ULK2: variants seen among roughly 807,000 people sequenced by gnomAD.
The protein encoded by ULK2 is serine/threonine-protein kinase ULK2.
ULK2 carries 76 observed loss-of-function variants against 127.5 expected under a neutral mutation model. That is an observed-to-expected ratio of 0.60 (90% CI 0.50 to 0.72). The LOEUF is 0.72. Among genes scored for constraint, ULK2 ranks in the 30% least tolerant of loss-of-function variants. The pLI, the probability that ULK2 is intolerant of heterozygous loss-of-function variation, is 0.00. For synonymous variants in ULK2, 452 were observed against 461.9 expected, an observed-to-expected ratio of 0.98 and a Z score of 0.28; for missense variants, 1,144 against 1,295.9, an observed-to-expected ratio of 0.88 and a Z score of 1.80.
At chr17:19,842,584 A>C (rs1015195451) in intron 8 of ULK2, among the ~76,000 whole-genome samples, 3 of 152,142 alleles carry the variant, frequency 2.0e-5, no homozygotes, top group African/African-American at 7.2e-5. Flanking sequence ...TAACATAAGA[A>C]ATTATAACAT....
chr17:19,833,524 C>A (rs1415649313), intron 10 of ULK2, among the ~76,000 whole-genome samples: 1 of 152,060 alleles, frequency 6.6e-6, no homozygotes, highest in African/African-American at 2.4e-5. Context: ...GCCTGGCCCA[C>A]ATGGTGAAAC....
At chr17:19,863,656 A>G (rs1022267469) in intron 3 of ULK2, among the ~76,000 whole-genome samples, 2 of 151,780 alleles carry the variant, frequency 1.3e-5, no homozygotes, top group African/African-American at 4.8e-5. Context: ...AAGCCACCAC[A>G]CCCAGCCTGA....
At chr17:19,861,104 C>T (rs2042233296) in intron 3 of ULK2, 1 of 151,962 alleles carries the variant, frequency 6.6e-6, no homozygotes, top group African/African-American at 2.4e-5. Flanking sequence ...AACAGTATAC[C>T]ATGTACAAAA....
At chr17:19,779,971 G>A (rs1013122483) in intron 25 of ULK2, among the ~76,000 whole-genome samples, 1 of 151,848 alleles carries the variant, frequency 6.6e-6, no homozygotes, top group Non-Finnish European at 1.5e-5. Flanking sequence ...GCCAGGAGTT[G>A]GAAACCACCC....
rs189876331 is a variant in ULK2, at chr17:19,781,743, A to G, written c.2639+146T>C. 7.7e-6 allele frequency: 7 copies of G among 904,418 alleles called. No homozygotes were observed. The Admixed American group carries it at 1.2e-4, about 16-fold the overall frequency. 56.0% of individuals were successfully genotyped at this position (904,418 alleles called of 1,614,324 possible). ...ATAATCTCCAGGTCTTGGCTCATATAGTGAAATGTAGTACAAAGAAATAAT... is the reference window on the plus strand; with the variant it reads ...ATAATCTCCAGGTCTTGGCTCATATGGTGAAATGTAGTACAAAGAAATAAT... On this transcript the variant is annotated intron_variant, in intron 23 of 26. Coordinates refer to ENST00000395544, the MANE Select transcript of ULK2 (RefSeq NM_014683.4).
At chr17:19,791,567 T>G (rs201928397) in intron 20 of ULK2, among the ~76,000 whole-genome samples, 4 of 151,992 alleles carry the variant, frequency 2.6e-5, no homozygotes, top group African/African-American at 9.7e-5. Flanking sequence ...CACCTGTGGT[T>G]CCAGCTACTC....
intron 14 of ULK2, among the ~76,000 whole-genome samples, chr17:19,805,373 T>C (rs1355866816): frequency 6.6e-6 from 1 of 152,224 alleles, no homozygotes; most frequent in African/African-American, 2.4e-5. Context: ...ATAGCCTCTT[T>C]CCTCACTTTT....
intron 13 of ULK2, among the ~76,000 whole-genome samples, chr17:19,812,412 G>A (rs773761190): frequency 1.4e-4 from 21 of 152,286 alleles, no homozygotes; most frequent in South Asian, 6.2e-4. Flanking sequence ...TAAACCCATT[G>A]TAGGCTGAAA....
Position 19,844,784 on chromosome 17 carries a change from A to G in ULK2, c.543+520T>C, listed in dbSNP as rs547214917. Among the ~76,000 whole-genome samples the G allele has an allele frequency of 2.2e-4, 34 of 152,286 alleles. 1 individual carries two copies. The East Asian group carries it at 6.4e-3, about 28-fold the overall frequency. On this transcript the variant is annotated intron_variant, in intron 7 of 26. Coordinates refer to ENST00000395544, the MANE Select transcript of ULK2 (RefSeq NM_014683.4). ...GGTATTTCCAGACTTAATACTGCAC[A>G]TTACATTAGAAGTTTCATAGCCTAA...
intron 25 of ULK2, 136 bp from the exon 26 acceptor site, chr17:19,777,852 A>C (rs965475075): frequency 1.8e-6 from 2 of 1,115,004 alleles, no homozygotes; most frequent in African/African-American, 3.2e-5. Context: ...GCAAAACTAC[A>C]TAAAACTCAA....
chr17:19,796,460 T>C (rs1444638048), intron 18 of ULK2, among the ~76,000 whole-genome samples, 178 bp from the exon 19 acceptor site: 1 of 152,010 alleles, frequency 6.6e-6, no homozygotes, highest in Non-Finnish European at 1.5e-5. Context: ...TTTACAAAAG[T>C]TAGGATTTGG....
At chr17:19,779,178 A>G (rs946183439) in intron 25 of ULK2, among the ~76,000 whole-genome samples, 1 of 152,230 alleles carries the variant, frequency 6.6e-6, no homozygotes, top group African/African-American at 2.4e-5. Flanking sequence ...ATAACAGCAC[A>G]GTTCACAGTA....
In ULK2 at chr17:19,801,845, T is replaced by C. The variant is rs1260287517; in HGVS notation, c.1373A>G (p.Asp458Gly). Residue 458 changes from aspartate to glycine, a missense_variant, in exon 16 of 27, where the codon GAC becomes GGC. Asp to Gly is a moderately conservative substitution (Grantham distance 94). Around this residue, in one of 2 missense-constraint regions of ULK2, gnomAD observed 913 missense variants for 970.5 expected, o/e 0.94. Transcript: ENST00000395544. Reference sequence around the variant, plus strand: ...CCTTCGTCCAACTGTCTGTGCTGTGTCTGCTGGTACTGGGGAGCATGATCC... The same window carrying C: ...CCTTCGTCCAACTGTCTGTGCTGTGCCTGCTGGTACTGGGGAGCATGATCC... ...RPGSCSPVPA[D>G]TAQTVGRRLS... is the part of the protein sequence containing the mutation. 13 of 1,614,260 alleles carry C rather than the reference T, an allele frequency of 8.1e-6. No individual in the cohort carries two copies. Among genetic ancestry groups the C allele is most frequent in the Non-Finnish European group, 9.3e-6 (11 of 1,180,040 alleles).
At chr17:19,798,869 A>AGAGAAAAGG (rs2087331741) in intron 17 of ULK2, among the ~76,000 whole-genome samples, 1 of 152,146 alleles carries the variant, frequency 6.6e-6, no homozygotes, top group African/African-American at 2.4e-5. Flanking sequence ...CTTACCAAAA[A>AGAGAAAAGG]TGGTATTAAT....
At chr17:19,826,435 A>G (rs568165864) in intron 10 of ULK2, among the ~76,000 whole-genome samples, 2 of 152,192 alleles carry the variant, frequency 1.3e-5, no homozygotes, top group Non-Finnish European at 2.9e-5. Flanking sequence ...CAAAACATCT[A>G]TCACCAGCAC....
At chr17:19,825,592 C>T (rs1223908559) in intron 11 of ULK2, among the ~76,000 whole-genome samples, 1 of 151,800 alleles carries the variant, frequency 6.6e-6, no homozygotes, top group Admixed American at 6.6e-5. Flanking sequence ...CGCCTGTAAT[C>T]CCAGCTACTC....
intron 20 of ULK2, among the ~76,000 whole-genome samples, chr17:19,791,951 A>G (rs1311745296): frequency 1.3e-5 from 2 of 151,948 alleles, no homozygotes; most frequent in African/African-American, 4.8e-5. Flanking sequence ...CTATATAAAT[A>G]CGTGGAAATT....
chr17:19,867,488 C>T lies in ULK2; in HGVS notation c.-71G>A, dbSNP rs896134520. On this transcript the variant is annotated 5_prime_UTR_variant, in exon 1 of 27. Transcript: ENST00000395544. ...CGGCGCAGGTATCAGCACCGCGGCT[C>T]CGCGGGCCCGGAGCGCGCCAGCGTG... The T allele has an allele frequency of 2.3e-6, 3 of 1,279,776 alleles. No homozygotes were observed. Among genetic ancestry groups the T allele is most frequent in the Non-Finnish European group, 3.1e-6 (3 of 965,526 alleles). 79.3% of individuals were successfully genotyped at this position (1,279,776 alleles called of 1,614,324 possible). A position where few individuals can be genotyped will look rare whatever the true frequency, so the allele number is the denominator to read the frequency against.
chr17:19,818,879 C>A (rs1772159812), intron 12 of ULK2, among the ~76,000 whole-genome samples: 2 of 139,044 alleles, frequency 1.4e-5, no homozygotes, highest in Non-Finnish European at 3.0e-5. Context: ...TGGCTCACTG[C>A]AACCTCTGCC....
Sources: allele counts gnomAD v4.1 joint callset (sites outside exome capture counted in the v4.1 genomes callset), GRCh38; gene constraint gnomAD v4.1.1; regional missense constraint gnomAD v4.1.1; transcripts MANE v1.5; gene names NCBI Gene and HGNC (gene_info 2026-07-23, HGNC 2026-07-21).